The following ANO2 variants were observed in gnomAD, a reference collection of about 807,000 sequenced individuals.
ANO2 encodes the protein anoctamin-2.
Under a neutral mutation model 124.2 loss-of-function variants are expected in ANO2, and 101 were observed. The observed-to-expected ratio is 0.81, with a 90% CI of 0.69 to 0.96. The LOEUF (loss-of-function observed/expected upper bound fraction) is 0.96. ANO2 is among the 40% of genes least tolerant of loss of function. The pLI is 0.00. For synonymous variants in ANO2, 486 were observed against 482.5 expected (o/e 1.01, Z -0.09); for missense variants, 1,293 against 1,274.5 (o/e 1.01, Z -0.22).
chr12:5,571,788 A>G (rs929036346), intron 23 of ANO2, among the ~76,000 whole-genome samples: 11 of 152,130 alleles, frequency 7.2e-5, no homozygotes, highest in African/African-American at 2.4e-4. Context: ...AAAGACATCC[A>G]TAGAGGTTAT....
At chr12:5,689,039 A>AT (rs1475138324) in intron 14 of ANO2, among the ~76,000 whole-genome samples, 1 of 152,142 alleles carries the variant, frequency 6.6e-6, no homozygotes, top group Non-Finnish European at 1.5e-5. Context: ...AAGATAACTA[A>AT]TTATTAATTA....
chr12:5,575,580 G>A (rs1027545709), intron 23 of ANO2, among the ~76,000 whole-genome samples: 9 of 152,156 alleles, frequency 5.9e-5, no homozygotes, highest in Admixed American at 6.5e-5. Context: ...AAACTTGTAC[G>A]GCATATTACT....
chr12:5,693,861 T>A (rs1949047318), intron 14 of ANO2, among the ~76,000 whole-genome samples: 1 of 152,180 alleles, frequency 6.6e-6, no homozygotes, highest in South Asian at 2.1e-4. Flanking sequence ...TTTGCTCAGC[T>A]GCCATGTGCC....
Position 5,921,363 on chromosome 12 carries a change from T to C in ANO2, c.211A>G (p.Ile71Val). The C allele has an allele frequency of 1.2e-6, 2 of 1,613,126 alleles. No individual in the cohort carries two copies. The highest frequency in any genetic ancestry group is 1.7e-6 in the Non-Finnish European group (2 of 1,179,346). The change falls in exon 3 of 25, where the codon ATC becomes GTC. Residue 71 changes from isoleucine (I) to valine (V), a missense_variant. Ile to Val is a conservative substitution (Grantham distance 29). Transcript: ENST00000682330. ...GGESTRSSSV[I>V]NNYLDANEPV... The stretch of plus-strand genomic sequence containing the variant: ...TCATTGGCATCCAGATAGTTGTTGA[T>C]GACCTGGCCAGAGAGAGAGGAGAGG...
intron 14 of ANO2, among the ~76,000 whole-genome samples, chr12:5,689,347 T>C (rs1052036754): frequency 6.6e-6 from 1 of 152,036 alleles, no homozygotes; most frequent in African/African-American, 2.4e-5. Context: ...CATTTTAGAG[T>C]AAAAGCCCAG....
At chr12:5,696,225 T>C (rs1843759172) in intron 14 of ANO2, among the ~76,000 whole-genome samples, 1 of 152,040 alleles carries the variant, frequency 6.6e-6, no homozygotes, top group Non-Finnish European at 1.5e-5. Flanking sequence ...TTGAAAAGAC[T>C]GACAAAAGAG....
chr12:5,591,041 C>T (rs56290734), intron 20 of ANO2, among the ~76,000 whole-genome samples: 24,676 of 152,016 alleles, frequency 0.16, 2,487 homozygotes, highest in Non-Finnish European at 0.22. Flanking sequence ...ATTAGCAGGG[C>T]GTGACGGGAA....
At chr12:5,734,033 A>C (rs1950755659) in intron 13 of ANO2, among the ~76,000 whole-genome samples, 1 of 152,238 alleles carries the variant, frequency 6.6e-6, no homozygotes, top group Non-Finnish European at 1.5e-5. Context: ...TGTAAAGTGC[A>C]CTTGATTTTG....
At chr12:5,731,487 TG>T (rs1950633506) in intron 14 of ANO2, among the ~76,000 whole-genome samples, 1 of 152,200 alleles carries the variant, frequency 6.6e-6, no homozygotes, top group South Asian at 2.1e-4. Context: ...AAATGAAATT[TG>T]AATTCAAATC....
At chr12:5,915,226 C>T (rs917724328) in intron 3 of ANO2, among the ~76,000 whole-genome samples, 1 of 152,094 alleles carries the variant, frequency 6.6e-6, no homozygotes, top group Non-Finnish European at 1.5e-5. Context: ...AACGGTCAAA[C>T]TAAGAAAGCA....
intron 3 of ANO2, among the ~76,000 whole-genome samples, chr12:5,878,235 C>T (rs368732135): frequency 2.6e-5 from 4 of 152,138 alleles, no homozygotes; most frequent in East Asian, 3.9e-4. Context: ...CCAATTCTTA[C>T]GATAATGCTG....
chr12:5,698,986 G>A (rs1454447851), intron 14 of ANO2, among the ~76,000 whole-genome samples: 5 of 152,304 alleles, frequency 3.3e-5, no homozygotes, highest in Middle Eastern at 3.4e-3. Flanking sequence ...TGAAAGTGAC[G>A]GGGAGAATGG....
In ANO2 at chr12:5,672,976, A is replaced by G. The variant is rs1354714903; in HGVS notation, c.1546-25175T>C. Among the ~76,000 whole-genome samples the G allele has an allele frequency of 2.0e-5, 3 of 152,228 alleles. No individual in the cohort carries two copies. In the East Asian group the frequency reaches 5.8e-4, roughly 29 times the overall value. On this transcript the variant is annotated intron_variant, in intron 14 of 24. Coordinates refer to ENST00000682330, the MANE Select transcript of ANO2 (RefSeq NM_001364791.2). ...TTCCTACGGTTCAACAAAACCCAAT[A>G]TATCCATGGGGAGGAATCTTCCTCC...
intron 14 of ANO2, among the ~76,000 whole-genome samples, chr12:5,653,597 C>T (rs966317156): frequency 6.6e-6 from 1 of 152,190 alleles, no homozygotes; most frequent in African/African-American, 2.4e-5. Flanking sequence ...AGTTGTATTA[C>T]TCTTGTTTCT....
At chr12:5,937,683 A>G (rs7398412) in intron 1 of ANO2, among the ~76,000 whole-genome samples, 90,788 of 151,756 alleles carry the variant, frequency 0.6, 27,600 homozygotes, top group East Asian at 0.81. Flanking sequence ...TTCAACTATG[A>G]GCTGATCACT....
intron 4 of ANO2, among the ~76,000 whole-genome samples, chr12:5,834,282 G>A (rs949162725): frequency 3.3e-5 from 5 of 152,184 alleles, no homozygotes; most frequent in African/African-American, 1.2e-4. Context: ...ACATCCAGAC[G>A]CTCTGACTCA....
At chr12:5,669,292 C>T (rs1403166295) in intron 14 of ANO2, among the ~76,000 whole-genome samples, 3 of 151,834 alleles carry the variant, frequency 2.0e-5, no homozygotes, top group Admixed American at 1.3e-4. Flanking sequence ...ATTTTATTCT[C>T]TTTGTAGCAA....
At chr12:5,613,032 G>C in intron 17 of ANO2, 74 bp from the exon 18 acceptor site, 1 of 1,426,548 alleles carries the variant, frequency 7.0e-7, no homozygotes, top group Non-Finnish European at 9.9e-7. Context: ...TGTCTTCTGA[G>C]GGGAATACCA....
At chr12:5,591,477 G>C (rs1267518435) in intron 20 of ANO2, among the ~76,000 whole-genome samples, 2 of 152,140 alleles carry the variant, frequency 1.3e-5, no homozygotes, top group East Asian at 3.8e-4. Flanking sequence ...CTGCAATGTG[G>C]GTTCAGTTCA....
Sources: allele counts gnomAD v4.1 joint callset (sites outside exome capture counted in the v4.1 genomes callset), GRCh38; gene constraint gnomAD v4.1.1; transcripts MANE v1.5; gene names NCBI Gene and HGNC (gene_info 2026-07-23, HGNC 2026-07-21).